The following AADACL4 variants were observed in gnomAD, a reference collection of about 807,000 sequenced individuals.
The protein encoded by AADACL4 is arylacetamide deacetylase like 4.
In AADACL4, 9 loss-of-function variants were observed where a neutral mutation model predicts 14.1. That is an observed-to-expected ratio of 0.64 (90% CI 0.39 to 1.12). The LOEUF (loss-of-function observed/expected upper bound fraction) is 1.12. AADACL4 is among the 50% of genes most tolerant of loss of function. The probability of loss-of-function intolerance (pLI) is 0.01; values close to 1 mark genes in which losing one functional copy is unlikely to be tolerated. For missense variants in AADACL4, 531 were observed against 516.1 expected (o/e 1.03, Z -0.28); for synonymous variants, 188 against 201.6 (o/e 0.93, Z 0.57).
chr1:12,645,388 C>T (rs996741202), intron 1 of AADACL4, among the ~76,000 whole-genome samples: 12 of 151,670 alleles, frequency 7.9e-5, no homozygotes, highest in South Asian at 2.1e-4. Context: ...AAACATTTAC[C>T]GAGTGCCAAT....
intron 1 of AADACL4, among the ~76,000 whole-genome samples, chr1:12,648,577 A>G (rs976191234): frequency 7.8e-6 from 1 of 128,254 alleles, no homozygotes; most frequent in African/African-American, 3.0e-5. Context: ...TTTTTTTTGT[A>G]TGTTTTGTAG....
chr1:12,651,943 C>T (rs1262086603), intron 2 of AADACL4, among the ~76,000 whole-genome samples: 1 of 151,742 alleles, frequency 6.6e-6, no homozygotes, highest in Non-Finnish European at 1.5e-5. Flanking sequence ...ATTCTCCTGC[C>T]TCAGCCTCCC....
chr1:12,661,924 T>C, intron 3 of AADACL4, 70 bp downstream of exon 3: 6 of 1,524,698 alleles, frequency 3.9e-6, no homozygotes, highest in Non-Finnish European at 5.5e-6. Flanking sequence ...ATGGGTGATT[T>C]GTAGATCAGA....
intron 2 of AADACL4, among the ~76,000 whole-genome samples, chr1:12,653,397 G>A (rs1288976574): frequency 6.6e-6 from 1 of 152,256 alleles, no homozygotes; most frequent in Non-Finnish European, 1.5e-5. Flanking sequence ...AGGAAAGGTA[G>A]GACTCATGTC....
At chr1:12,662,746 G>T (rs1647247903) in intron 3 of AADACL4, among the ~76,000 whole-genome samples, 1 of 152,210 alleles carries the variant, frequency 6.6e-6, no homozygotes, top group Non-Finnish European at 1.5e-5. Flanking sequence ...AGACAGAATA[G>T]CTGTGTGACT....
Position 12,666,852 on chromosome 1 carries a change from C to G in AADACL4, c.*117C>G, listed in dbSNP as rs1647353123. ...GGTGCTACATCAATGCTTGGGGCAG[C>G]TGGGAAGGGTGAGAAGTAAGCTAAC... On this transcript the variant is annotated 3_prime_UTR_variant, in exon 4 of 4. Transcript: ENST00000376221. The G allele has an allele frequency of 1.8e-6, 2 of 1,100,934 alleles. No individual in the cohort carries two copies. Among genetic ancestry groups the G allele is most frequent in the Non-Finnish European group, 1.3e-6 (1 of 777,444 alleles). The allele number at this position is 1,100,934 out of a possible 1,614,324, so 68.2% of individuals were successfully genotyped here.
chr1:12,663,193 T>G lies in AADACL4; in HGVS notation c.449+1339T>G, dbSNP rs74635725. On this transcript the variant is annotated intron_variant, in intron 3 of 3. Coordinates refer to ENST00000376221, the MANE Select transcript of AADACL4 (RefSeq NM_001013630.2). ...TACCCGAACTCTTGGAGAAGATGGG[T>G]CTTTTGACCTTTGGTTCTGCGAAGC... is the stretch of plus-strand genomic sequence containing the variant. Among the ~76,000 whole-genome samples the G allele has an allele frequency of 6.9e-3, 1,050 of 152,150 alleles. 13 individuals are homozygous for G. The highest frequency in any genetic ancestry group is 0.022 in the African/African-American group (931 of 41,500).
chr1:12,666,056 T>C lies in AADACL4; in HGVS notation c.545T>C (p.Val182Ala). 6.2e-7 allele frequency: 1 copy of C among 1,614,164 alleles called. No homozygotes were observed. Among genetic ancestry groups the C allele is most frequent in the Non-Finnish European group, 8.5e-7 (1 of 1,180,022 alleles). ...CTGAAGGCCCTGGAAACCTATGGGG[T>C]GGACCCCTCCAGGGTTGTGGTCTGT... ...HFLKALETYG[V>A]DPSRVVVCGE... The change falls in exon 4 of 4, where the codon GTG becomes GCG. Residue 182 changes from valine to alanine, a missense_variant. Physicochemically the swap from Val to Ala is moderately conservative, Grantham distance 64 (BLOSUM62 0). Transcript: ENST00000376221.
At chr1:12,657,308 G>C (rs1557550437) in intron 2 of AADACL4, among the ~76,000 whole-genome samples, 1 of 152,060 alleles carries the variant, frequency 6.6e-6, no homozygotes, top group East Asian at 1.9e-4. Context: ...AAGAAAGAAG[G>C]AAGAAAGTAG....
Position 12,651,232 on chromosome 1 carries a change from G to C in AADACL4, c.278G>C (p.Arg93Pro), listed in dbSNP as rs201507886. The change falls in exon 2 of 4, where the codon CGT (arginine) becomes CCT (proline). Residue 93 changes from arginine to proline, a missense_variant. Transcript: ENST00000376221. ...CCTGAACTTGTGGTGACCGACCTGC[G>C]TTTTGGGACGATACCCGTGAGGCTG... The part of the protein sequence containing the change: ...KDPELVVTDL[R>P]FGTIPVRLFQ... 2 of 1,614,066 alleles carry C rather than the reference G, an allele frequency of 1.2e-6. No homozygotes were observed. The highest frequency in any genetic ancestry group is 2.7e-5 in the African/African-American group (2 of 74,916).
At position 12,666,647 on chromosome 1, in the gene AADACL4, C is replaced by T; in HGVS notation, c.1136C>T (p.Ser379Phe). Residue 379 changes from serine to phenylalanine, a missense_variant, in exon 4 of 4, where the codon TCC becomes TTC. Physicochemically the swap from Ser to Phe is radical, Grantham distance 155. Coordinates refer to ENST00000376221, the MANE Select transcript of AADACL4 (RefSeq NM_001013630.2). ...CACCTGTATGATGGTTTTCACGGAT[C>T]CATTATCTTTTTTGATAAGAAGGCT... The part of the protein sequence containing the change: ...WYHLYDGFHG[S>F]IIFFDKKALS... 6.2e-7 allele frequency: 1 copy of T among 1,614,132 alleles called. No individual in the cohort carries two copies. The highest frequency in any genetic ancestry group is 2.2e-5 in the East Asian group (1 of 44,886).
At chr1:12,664,418 G>A (rs1456007517) in intron 3 of AADACL4, among the ~76,000 whole-genome samples, 2 of 151,336 alleles carry the variant, frequency 1.3e-5, no homozygotes, top group African/African-American at 4.9e-5. Flanking sequence ...CCAGGCTGGA[G>A]TGCAGTGGCA....
chr1:12,660,361 C>A (rs1312491488), intron 2 of AADACL4, among the ~76,000 whole-genome samples: 16 of 152,138 alleles, frequency 1.1e-4, no homozygotes. Context: ...TTGTGGGGCT[C>A]CCTTGATTTT....
intron 2 of AADACL4, among the ~76,000 whole-genome samples, chr1:12,654,863 G>A (rs1015800621): frequency 3.9e-5 from 6 of 152,148 alleles, no homozygotes; most frequent in Non-Finnish European, 8.8e-5. Context: ...CCGGGGTAGG[G>A]GTGACCAGGT....
chr1:12,654,405 A>G (rs139882538), intron 2 of AADACL4, among the ~76,000 whole-genome samples: 1 of 152,186 alleles, frequency 6.6e-6, no homozygotes, highest in African/African-American at 2.4e-5. Flanking sequence ...TAAAGAGATG[A>G]TCACTGACTG....
chr1:12,660,936 C>G (rs1218195261), intron 2 of AADACL4, among the ~76,000 whole-genome samples: 2 of 152,196 alleles, frequency 1.3e-5, no homozygotes, highest in African/African-American at 4.8e-5. Context: ...ACCAGGGCAT[C>G]AGTATTTTTA....
chr1:12,654,482 G>C (rs60571031), intron 2 of AADACL4, among the ~76,000 whole-genome samples: 2,904 of 152,208 alleles, frequency 0.019, 83 homozygotes, highest in African/African-American at 0.06. Flanking sequence ...ACCTTATTTC[G>C]GTGTGTGAGT....
At position 12,665,993 on chromosome 1, in the gene AADACL4, C is replaced by T; in HGVS notation, c.482C>T (p.Ala161Val). Residue 161 changes from alanine to valine, a missense_variant, in exon 4 of 4, where the codon GCC (alanine) becomes GTC (valine). By Grantham distance (64) the Ala-to-Val change is moderately conservative. Transcript: ENST00000376221. The stretch of plus-strand genomic sequence containing the variant: ...AAGCTTCCTGACCACCATTCCCCTG[C>T]CCTTTTCCAAGACTGCATGAATGCC... ...YRKLPDHHSP[A>V]LFQDCMNASI... The T allele has an allele frequency of 6.2e-7, 1 of 1,612,522 alleles. No homozygotes were observed. The highest frequency in any genetic ancestry group is 1.1e-5 in the South Asian group (1 of 91,012).
At chr1:12,646,209 T>G (rs1379212151) in intron 1 of AADACL4, among the ~76,000 whole-genome samples, 1 of 152,144 alleles carries the variant, frequency 6.6e-6, no homozygotes, top group East Asian at 1.9e-4. Context: ...GGCTTAGGAA[T>G]AAGGAACAGA....
Sources: gnomAD v4.1 joint callset for allele counts (sites outside exome capture counted in the v4.1 genomes callset) on GRCh38, gnomAD v4.1.1 for gene constraint, MANE v1.5 for transcripts, NCBI Gene and HGNC (gene_info 2026-07-23, HGNC 2026-07-21) for gene names.